The following NBPF8 variants were observed in gnomAD, a reference collection of about 807,000 sequenced individuals.
NBPF8 encodes NBPF member 8.
upstream of NBPF8, among the ~76,000 whole-genome samples, chr1:120,415,339 G>T (rs1242934666): frequency 6.6e-6 from 1 of 151,922 alleles, no homozygotes; most frequent in South Asian, 2.1e-4. Context: ...CAGCTGGGTC[G>T]AGCTGCGGCT....
At chr1:120,432,965 T>C (rs1660924399), upstream of NBPF8, 1 of 152,092 alleles carries the variant, frequency 6.6e-6, no homozygotes, top group African/African-American at 2.4e-5. Flanking sequence ...GAAAATGAAA[T>C]TCAATAAAAC....
intron 12 of NBPF8, among the ~76,000 whole-genome samples, chr1:120,451,862 C>T (rs1237427260): frequency 2.0e-5 from 3 of 151,214 alleles, no homozygotes; most frequent in African/African-American, 7.3e-5. Flanking sequence ...ATTAGGAAGA[C>T]ACCTACTTTT....
At chr1:120,416,884 G>A (rs1378436092), upstream of NBPF8, among the ~76,000 whole-genome samples, 1 of 146,552 alleles carries the variant, frequency 6.8e-6, no homozygotes, top group Non-Finnish European at 1.5e-5. Context: ...GTGCAGTAAT[G>A]TATCAGTGTG....
chr1:120,433,184 T>G (rs1261468534), upstream of NBPF8: 1 of 152,152 alleles, frequency 6.6e-6, no homozygotes, highest in Non-Finnish European at 1.5e-5. Context: ...TTAGAGAAAT[T>G]TGAAAGCTAG....
rs1412550891 is a variant in NBPF8, at chr1:120,460,558, T to A, written n.2785-15T>A. ...ACTGCTTAATGTAAGAGGGCCCATA[T>A]GAATTTATTTGCAGGACATCGGTGG... On this transcript the variant is annotated splice_polypyrimidine_tract_variant and intron_variant and non_coding_transcript_variant, in intron 17 of 24. Transcript: ENST00000583271. 1.4e-6 allele frequency: 2 copies of A among 1,404,204 alleles called. No individual in the cohort carries two copies. Among genetic ancestry groups the A allele is most frequent in the Non-Finnish European group, 2.0e-6 (2 of 1,001,088 alleles). The allele number at this position is 1,404,204 out of a possible 1,614,324, so 87.0% of individuals were successfully genotyped here. A position where few individuals can be genotyped will look rare whatever the true frequency, so the allele number is the denominator to read the frequency against.
downstream of NBPF8, among the ~76,000 whole-genome samples, chr1:120,469,609 A>G (rs1570950063): frequency 1.3e-5 from 2 of 152,314 alleles, no homozygotes; most frequent in East Asian, 1.9e-4. Context: ...TAATTTTTAT[A>G]AAGTCGAATT....
chr1:120,418,632 C>T (rs1419365336), upstream of NBPF8, among the ~76,000 whole-genome samples: 3 of 135,328 alleles, frequency 2.2e-5, no homozygotes, highest in Admixed American at 1.5e-4. Context: ...GTCTCTGCAG[C>T]CTTGACCTCT....
chr1:120,434,479 G>A (rs1661015368), upstream of NBPF8, among the ~76,000 whole-genome samples: 1 of 146,124 alleles, frequency 6.8e-6, no homozygotes, highest in Non-Finnish European at 1.5e-5. Context: ...TTTACATTAG[G>A]TATTTCTCCT....
chr1:120,428,219 G>GGTCATA (rs1660775997), intron 3 of NBPF8, among the ~76,000 whole-genome samples: 4 of 152,152 alleles, frequency 2.6e-5, no homozygotes, highest in African/African-American at 4.8e-5. Context: ...TCATAGAATT[G>GGTCATA]GTTCAGTGGT....
chr1:120,456,255 G>C (rs1361149043), intron 16 of NBPF8, among the ~76,000 whole-genome samples: 7 of 151,222 alleles, frequency 4.6e-5, no homozygotes, highest in Admixed American at 4.6e-4. Flanking sequence ...ATTTGGGGTG[G>C]AGGGTTCTGT....
At chr1:120,431,192 C>T (rs748157168) in intron 3 of NBPF8, among the ~76,000 whole-genome samples, 3 of 147,460 alleles carry the variant, frequency 2.0e-5, no homozygotes, top group Non-Finnish European at 3.0e-5. Flanking sequence ...TAGATACTCA[C>T]ATGTATGTCT....
intron 2 of NBPF8, among the ~76,000 whole-genome samples, chr1:120,426,861 A>AG (rs1353990524): frequency 6.6e-6 from 1 of 150,430 alleles, no homozygotes; most frequent in African/African-American, 2.4e-5. Context: ...GGGAACATGG[A>AG]GGGGATAAAG....
rs1661440862 is a variant in NBPF8, at chr1:120,456,522, C to T, written n.2620+1062C>T. ...TGATCCCTTTACCATTATGTAGTGGCCTTCTTGTCTCTTTTGATCTTTGTT... is the reference window on the plus strand; with the variant it reads ...TGATCCCTTTACCATTATGTAGTGGTCTTCTTGTCTCTTTTGATCTTTGTT... On this transcript the variant is annotated intron_variant and non_coding_transcript_variant, in intron 16 of 24. Transcript: ENST00000583271. Among the ~76,000 whole-genome samples, 2 of 104,536 alleles carry T rather than the reference C, an allele frequency of 1.9e-5. 1 individual carries two copies. Among genetic ancestry groups the T allele is most frequent in the Non-Finnish European group, 3.8e-5 (2 of 53,144 alleles). The allele number at this position is 104,536 out of a possible 152,430, so 68.6% of individuals were successfully genotyped here.
chr1:120,451,835 T>G (rs1396966992), intron 12 of NBPF8, among the ~76,000 whole-genome samples: 2 of 150,780 alleles, frequency 1.3e-5, no homozygotes, highest in African/African-American at 2.5e-5. Context: ...ACTGAAAGGA[T>G]GTCTTTTTGA....
chr1:120,417,936 G>T (rs1310232645), upstream of NBPF8, among the ~76,000 whole-genome samples: 1 of 61,204 alleles, frequency 1.6e-5, no homozygotes, highest in Non-Finnish European at 3.1e-5. Flanking sequence ...GTGTCTGCTT[G>T]ATCCAGCACC....
intron 17 of NBPF8, among the ~76,000 whole-genome samples, chr1:120,460,165 A>C (rs1224094487): frequency 5.3e-5 from 8 of 152,230 alleles, no homozygotes; most frequent in Admixed American, 4.6e-4. Context: ...GAGCTGGTAC[A>C]TTGCACCCCC....
upstream of NBPF8, among the ~76,000 whole-genome samples, chr1:120,416,342 C>CA (rs1360660022): frequency 3.3e-5 from 4 of 120,414 alleles, no homozygotes; most frequent in East Asian, 8.6e-4. Flanking sequence ...CGGTAGATCA[C>CA]ACCTGTAATC....
Position 120,465,863 on chromosome 1 carries a change from T to C in NBPF8, n.3569-115T>C, listed in dbSNP as rs1172573492. The C allele has an allele frequency of 4.7e-5, 76 of 1,608,558 alleles. No homozygotes were observed. In the Admixed American group the frequency reaches 1.2e-3, roughly 26 times the overall value. Reference sequence around the variant, plus strand: ...AGGCAATAATTTGTTACCTCATTAATGGATCTGTCCTTTTTCTTTTCTAAC... The same window carrying C: ...AGGCAATAATTTGTTACCTCATTAACGGATCTGTCCTTTTTCTTTTCTAAC... On this transcript the variant is annotated intron_variant and non_coding_transcript_variant, in intron 24 of 24. Transcript: ENST00000583271.
At chr1:120,452,141 T>C (rs1661294072) in exon 13 of NBPF8, 2 of 1,605,650 alleles carry the variant, frequency 1.2e-6, no homozygotes, top group African/African-American at 2.7e-5. Context: ...TGGTTCACAC[T>C]CAGGAACGAG....
Sources: gnomAD v4.1 joint callset for allele counts (sites outside exome capture counted in the v4.1 genomes callset) on GRCh38, gnomAD v4.1.1 for gene constraint, MANE v1.5 for transcripts, NCBI Gene and HGNC (gene_info 2026-07-23, HGNC 2026-07-21) for gene names.